The following SDK1 variants were observed in gnomAD, a reference collection of about 807,000 sequenced individuals.
The protein encoded by SDK1 is protein sidekick-1.
A neutral mutation model predicts 245.5 loss-of-function variants in SDK1; 157 were observed. The observed-to-expected ratio is 0.64, with a 90% CI of 0.56 to 0.73. The LOEUF is 0.73. SDK1 is among the 30% of genes least tolerant of loss of function. The pLI is 0.00. For synonymous variants in SDK1, 1,647 were observed against 1,278.5 expected, an observed-to-expected ratio of 1.29 and a Z score of -6.15; for missense variants, 3,583 against 3,002.3, an observed-to-expected ratio of 1.19 and a Z score of -4.52.
chr7:3,988,132 GT>G (rs71032919), intron 14 of SDK1, among the ~76,000 whole-genome samples: 9,829 of 85,158 alleles, frequency 0.12, 456 homozygotes, highest in Middle Eastern at 0.16. Flanking sequence ...TCTTTTTAAT[GT>G]TTTTTTTTTT....
intron 35 of SDK1, chr7:4,179,043 G>GA: frequency 6.3e-6 from 1 of 159,112 alleles, no homozygotes. Flanking sequence ...ACCCCTTTTA[G>GA]ATAAGATGTG....
intron 20 of SDK1, among the ~76,000 whole-genome samples, chr7:4,074,886 G>GTGTGTGTGTATATATATATATATATATA (rs1401453083): frequency 2.1e-5 from 1 of 48,124 alleles, no homozygotes; most frequent in African/African-American, 1.6e-4. Context: ...CTCTCTCTCT[G>GTGTGTGTGTATATATATATATATATATA]TATATATATA....
intron 5 of SDK1, among the ~76,000 whole-genome samples, chr7:3,901,185 T>G (rs918654435): frequency 6.6e-6 from 1 of 152,042 alleles, no homozygotes; most frequent in Non-Finnish European, 1.5e-5. Flanking sequence ...TGTCTTTTTT[T>G]TTCTTTTTTC....
intron 5 of SDK1, among the ~76,000 whole-genome samples, chr7:3,839,591 A>G (rs907356414): frequency 3.9e-5 from 6 of 152,168 alleles, no homozygotes; most frequent in African/African-American, 1.4e-4. Context: ...AAAAAAATAG[A>G]AATAAAATTG....
intron 1 of SDK1, among the ~76,000 whole-genome samples, chr7:3,316,988 T>C (rs1779679354): frequency 6.6e-6 from 1 of 151,902 alleles, no homozygotes; most frequent in Non-Finnish European, 1.5e-5. Flanking sequence ...GAGACCAGCC[T>C]GGGCAACATG....
Position 3,809,978 on chromosome 7 carries a change from A to G in SDK1, c.714-11472A>G, listed in dbSNP as rs183752464. Among the ~76,000 whole-genome samples, 575 of 152,332 alleles carry G rather than the reference A, an allele frequency of 3.8e-3. 5 individuals carry two copies. Among genetic ancestry groups the G allele is most frequent in the African/African-American group, 0.013 (559 of 41,582 alleles). ...GCTGCAGGTGCGGACACCGACAGCC[A>G]TGCACAGTCCTCCCAGGAATATTCT... is the stretch of plus-strand genomic sequence containing the variant. On this transcript the variant is annotated intron_variant, in intron 4 of 44. Coordinates refer to ENST00000404826, the MANE Select transcript of SDK1 (RefSeq NM_152744.4).
intron 14 of SDK1, among the ~76,000 whole-genome samples, chr7:4,010,287 A>G (rs936355926): frequency 6.6e-6 from 1 of 152,216 alleles, no homozygotes; most frequent in African/African-American, 2.4e-5. Flanking sequence ...TCTGCAAAAA[A>G]TCCACGCAAG....
chr7:3,928,638 GT>G (rs1466557666), intron 5 of SDK1, among the ~76,000 whole-genome samples: 7 of 151,854 alleles, frequency 4.6e-5, no homozygotes, highest in Non-Finnish European at 8.8e-5. Flanking sequence ...TTTGGGGGGG[GT>G]GGGTGGAATG....
At chr7:3,783,581 A>C (rs1436250071) in intron 4 of SDK1, among the ~76,000 whole-genome samples, 3 of 152,192 alleles carry the variant, frequency 2.0e-5, no homozygotes, top group Non-Finnish European at 2.9e-5. Flanking sequence ...ACAATGAACT[A>C]TCTAAAAGGT....
At chr7:4,092,416 A>G (rs1343694341) in intron 22 of SDK1, among the ~76,000 whole-genome samples, 1 of 152,150 alleles carries the variant, frequency 6.6e-6, no homozygotes, top group African/African-American at 2.4e-5. Flanking sequence ...AGAGGCACCC[A>G]TGAAGCCCAG....
intron 22 of SDK1, among the ~76,000 whole-genome samples, chr7:4,108,322 C>G (rs979496245): frequency 6.6e-6 from 1 of 152,216 alleles, no homozygotes; most frequent in African/African-American, 2.4e-5. Flanking sequence ...GATGAGTGTT[C>G]TGTGGAACCT....
At chr7:4,061,916 G>A (rs992645004) in intron 19 of SDK1, among the ~76,000 whole-genome samples, 2 of 146,896 alleles carry the variant, frequency 1.4e-5, no homozygotes, top group African/African-American at 5.1e-5. Context: ...CTCACTCATA[G>A]GTGGGAATTG....
In SDK1 at chr7:3,614,041, G is replaced by C. The variant is rs184575363; in HGVS notation, c.299-5039G>C. On this transcript the variant is annotated intron_variant, in intron 1 of 44. Coordinates refer to ENST00000404826, the MANE Select transcript of SDK1 (RefSeq NM_152744.4). ...AATGGATACTAGGCTTAATACCTGG[G>C]TGATGAAATAATCTGTACAACAAAC... Among the ~76,000 whole-genome samples, 8 of 152,246 alleles carry C rather than the reference G, an allele frequency of 5.3e-5. No individual in the cohort carries two copies. In the East Asian group the frequency reaches 7.7e-4, roughly 15 times the overall value.
intron 22 of SDK1, among the ~76,000 whole-genome samples, chr7:4,081,626 G>C (rs929856163): frequency 4.6e-5 from 7 of 152,008 alleles, no homozygotes; most frequent in African/African-American, 1.7e-4. Context: ...CACCATGTTA[G>C]CCAGGATGGT....
At chr7:4,043,221 G>C (rs958620122) in intron 17 of SDK1, among the ~76,000 whole-genome samples, 1 of 151,964 alleles carries the variant, frequency 6.6e-6, no homozygotes, top group Non-Finnish European at 1.5e-5. Flanking sequence ...CCCAGGTAGA[G>C]TGAGTGTCAC....
In SDK1 at chr7:3,737,132, G is replaced by A. The variant is rs909269744; in HGVS notation, c.714-84318G>A. 2.0e-5 allele frequency among the ~76,000 whole-genome samples: 3 copies of A among 152,362 alleles called. No homozygotes were observed. In the East Asian group the frequency reaches 5.8e-4, roughly 29 times the overall value. On this transcript the variant is annotated intron_variant, in intron 4 of 44. Coordinates refer to ENST00000404826, the MANE Select transcript of SDK1 (RefSeq NM_152744.4). ...TATGGCGGAATAGTATTCTAGGTGTGCTCTGCAGCCTGGTGGAGTGGCAGG... is the reference window on the plus strand; with the variant it reads ...TATGGCGGAATAGTATTCTAGGTGTACTCTGCAGCCTGGTGGAGTGGCAGG...
chr7:3,655,485 A>ATG (rs1443267233), intron 4 of SDK1, among the ~76,000 whole-genome samples: 4 of 67,810 alleles, frequency 5.9e-5, no homozygotes, highest in African/African-American at 1.9e-4. Context: ...ATATATATAT[A>ATG]TATATATATA....
chr7:3,619,261 TAA>T, intron 2 of SDK1, 22 bp downstream of exon 2: 1 of 1,587,838 alleles, frequency 6.3e-7, no homozygotes, highest in Non-Finnish European at 8.6e-7. Context: ...CTTGAAAAAA[TAA>T]GATCCCATTT....
chr7:4,135,967 C>T (rs572888586), intron 28 of SDK1, among the ~76,000 whole-genome samples: 4 of 152,064 alleles, frequency 2.6e-5, no homozygotes, highest in African/African-American at 9.7e-5. Context: ...GGCTTCTTGC[C>T]GACAAGAGAA....
Sources: allele counts gnomAD v4.1 joint callset (sites outside exome capture counted in the v4.1 genomes callset), GRCh38; gene constraint gnomAD v4.1.1; transcripts MANE v1.5; gene names NCBI Gene and HGNC (gene_info 2026-07-23, HGNC 2026-07-21).